The following PGLYRP4 variants were observed in gnomAD, a reference collection of about 807,000 sequenced individuals.
PGLYRP4 encodes PGRP-I-beta.
A neutral mutation model predicts 41.2 loss-of-function variants in PGLYRP4; 39 were observed. The observed-to-expected ratio is 0.95, with a 90% CI of 0.73 to 1.24. The LOEUF (loss-of-function observed/expected upper bound fraction) is 1.24, where lower values mean the gene tolerates loss of function less well. PGLYRP4 is among the 50% of genes most tolerant of loss of function. The pLI, the probability that PGLYRP4 is intolerant of heterozygous loss-of-function variation, is 0.00. For synonymous variants in PGLYRP4, 202 were observed against 186.8 expected, an observed-to-expected ratio of 1.08 and a Z score of -0.66; for missense variants, 467 against 460.7, an observed-to-expected ratio of 1.01 and a Z score of -0.13.
intron 3 of PGLYRP4, 27 bp from the exon 4 acceptor site, chr1:153,345,409 C>T (rs1196657525): frequency 2.6e-5 from 41 of 1,592,126 alleles, no homozygotes; most frequent in Non-Finnish European, 3.3e-5. Context: ...AGCGCACCTG[C>T]CCCATCACTA....
intron 5 of PGLYRP4, among the ~76,000 whole-genome samples, chr1:153,342,323 C>T (rs1660834743): frequency 6.6e-6 from 1 of 152,166 alleles, no homozygotes; most frequent in Non-Finnish European, 1.5e-5. Flanking sequence ...GGAAACCACC[C>T]AGGAGCTGGA....
chr1:153,342,441 A>T (rs889847361), intron 5 of PGLYRP4, among the ~76,000 whole-genome samples: 1 of 152,218 alleles, frequency 6.6e-6, no homozygotes, highest in African/African-American at 2.4e-5. Flanking sequence ...AGGGGTCATG[A>T]AATCTACCTG....
At chr1:153,334,311 G>A (rs1302849346) in intron 8 of PGLYRP4, among the ~76,000 whole-genome samples, 2 of 151,024 alleles carry the variant, frequency 1.3e-5, no homozygotes, top group African/African-American at 4.9e-5. Context: ...GCTACATATA[G>A]ATAGATATAG....
At chr1:153,335,779 G>A (rs960244377) in intron 8 of PGLYRP4, among the ~76,000 whole-genome samples, 1 of 151,964 alleles carries the variant, frequency 6.6e-6, no homozygotes. Flanking sequence ...TGTTGCTGAG[G>A]ATGCAGAGAA....
intron 4 of PGLYRP4, 162 bp downstream of exon 4, chr1:153,345,007 C>T: frequency 1.6e-6 from 1 of 613,706 alleles, no homozygotes; most frequent in Non-Finnish European, 2.8e-6. Context: ...CAGAAAAATC[C>T]AAAGGATTGG....
At chr1:153,347,560 G>C (rs961834780) in intron 2 of PGLYRP4, among the ~76,000 whole-genome samples, 2 of 151,880 alleles carry the variant, frequency 1.3e-5, no homozygotes. Context: ...TTTTAGTAGA[G>C]ACGTGGTTTC....
At chr1:153,334,221 G>T (rs1486715021) in intron 8 of PGLYRP4, among the ~76,000 whole-genome samples, 1 of 150,508 alleles carries the variant, frequency 6.6e-6, no homozygotes, top group East Asian at 1.9e-4. Flanking sequence ...CAAAATCAAT[G>T]TACAAAAATC....
chr1:153,337,253 T>A lies in PGLYRP4; in HGVS notation c.871A>T (p.Asn291Tyr), dbSNP rs1660606041. The A allele has an allele frequency of 6.2e-7, 1 of 1,613,362 alleles. No homozygotes were observed. The highest frequency in any genetic ancestry group is 2.2e-5 in the East Asian group (1 of 44,856). ...DGAIYEGVGW[N>Y]VQGSSTPGYD... ...CCAGGGGTGGAGGAGCCTTGGACAT[T>A]CCAGCCCACCCCTTCATAAATGGCG... Residue 291 changes from asparagine (N) to tyrosine (Y), a missense_variant, in exon 8 of 9, where the codon AAT becomes TAT. Asn to Tyr is a moderately radical substitution (Grantham distance 143). Coordinates refer to ENST00000359650, the MANE Select transcript of PGLYRP4 (RefSeq NM_020393.4).
intron 8 of PGLYRP4, among the ~76,000 whole-genome samples, chr1:153,334,468 T>TATATATATTTTTTTATATA (rs1275488427): frequency 7.0e-6 from 1 of 142,530 alleles, no homozygotes; most frequent in African/African-American, 2.6e-5. Flanking sequence ...ATATATTTAT[T>TATATATATTTTTTTATATA]TATATATATT....
rs140395984 is a variant in PGLYRP4 at position 153,347,924 on chromosome 1, C to T, written c.9G>A (p.Pro3=). Residue 3 remains proline (P), a synonymous_variant, in exon 2 of 9, where the codon CCG becomes CCA. Transcript: ENST00000359650. ML[P]WLLVFSALGI... ...CCAGAGCAGAGAAGACAAGAAGCCA[C>T]GGCAGCATCCCCACGTGGTCCCAGG... 91 of 1,613,500 alleles carry T rather than the reference C, an allele frequency of 5.6e-5. No homozygotes were observed. The highest frequency in any genetic ancestry group is 7.1e-5 in the Non-Finnish European group (84 of 1,179,510).
chr1:153,344,566 T>C (rs746004948), intron 4 of PGLYRP4, among the ~76,000 whole-genome samples: 1 of 152,136 alleles, frequency 6.6e-6, no homozygotes, highest in Non-Finnish European at 1.5e-5. Context: ...CAGGAAGCCA[T>C]CACTGCACTC....
In PGLYRP4 at chr1:153,330,704, G is replaced by A; in HGVS notation, c.*63C>T. 1.4e-6 allele frequency: 2 copies of A among 1,443,004 alleles called. No homozygotes were observed. Among genetic ancestry groups the A allele is most frequent in the Non-Finnish European group, 1.9e-6 (2 of 1,039,674 alleles). 89.4% of individuals were successfully genotyped at this position (1,443,004 alleles called of 1,614,324 possible). A position where few individuals can be genotyped will look rare whatever the true frequency, so the allele number is the denominator to read the frequency against. On this transcript the variant is annotated 3_prime_UTR_variant, in exon 9 of 9. Coordinates refer to ENST00000359650, the MANE Select transcript of PGLYRP4 (RefSeq NM_020393.4). ...CAAAAGGTGTTGAGCCAAGCTGGATGGTTAGGACAGGAGAGACCTGACAGG... is the reference window on the plus strand; with the variant it reads ...CAAAAGGTGTTGAGCCAAGCTGGATAGTTAGGACAGGAGAGACCTGACAGG...
chr1:153,346,200 G>A lies in PGLYRP4; in HGVS notation c.50-9C>T. On this transcript the variant is annotated splice_polypyrimidine_tract_variant and intron_variant, in intron 2 of 8. Coordinates refer to ENST00000359650, the MANE Select transcript of PGLYRP4 (RefSeq NM_020393.4). Reference sequence around the variant, plus strand: ...GTTCCAGGAGGAATCACCTGCAAAGGAATATCCCATTTTGCATCAGAGAGC... The same window carrying A: ...GTTCCAGGAGGAATCACCTGCAAAGAAATATCCCATTTTGCATCAGAGAGC... 6.2e-7 allele frequency: 1 copy of A among 1,606,684 alleles called. No individual in the cohort carries two copies. The highest frequency in any genetic ancestry group is 1.1e-5 in the South Asian group (1 of 90,910).
rs756486974 is a variant in PGLYRP4 at position 153,345,273 on chromosome 1, A to G, written c.249T>C (p.His83=). Reference sequence around the variant, plus strand: ...GGTCGTGACACTCCAGTCCAGGGACATGGTGTATAACAAGGACATTCACTG... The same window carrying G: ...GGTCGTGACACTCCAGTCCAGGGACGTGGTGTATAACAAGGACATTCACTG... ...TTPVNVLVIH[H]VPGLECHDQT... Residue 83 remains histidine (H), a synonymous_variant, in exon 4 of 9, where the codon CAT becomes CAC. Coordinates refer to ENST00000359650, the MANE Select transcript of PGLYRP4 (RefSeq NM_020393.4). 15 of 1,614,036 alleles carry G rather than the reference A, an allele frequency of 9.3e-6. No homozygotes were observed. The highest frequency in any genetic ancestry group is 1.3e-5 in the Non-Finnish European group (15 of 1,179,996).
chr1:153,343,299 G>C, intron 4 of PGLYRP4, 91 bp from the exon 5 acceptor site: 1 of 826,408 alleles, frequency 1.2e-6, no homozygotes, highest in Non-Finnish European at 2.0e-6. Flanking sequence ...AATGGAGAAG[G>C]ACTGAAGCTA....
At chr1:153,340,604 AG>A (rs748029987) in intron 6 of PGLYRP4, 25 bp from the exon 7 acceptor site, 1 of 1,608,550 alleles carries the variant, frequency 6.2e-7, no homozygotes, top group East Asian at 2.2e-5. Context: ...GAAACCACAG[AG>A]GGTTCATCTT....
intron 8 of PGLYRP4, among the ~76,000 whole-genome samples, chr1:153,335,106 AG>A (rs1412746774): frequency 6.6e-6 from 1 of 152,206 alleles, no homozygotes; most frequent in Non-Finnish European, 1.5e-5. Context: ...AAGAAAACCC[AG>A]GGAAAAACTC....
chr1:153,341,661 G>A lies in PGLYRP4; in HGVS notation c.591C>T (p.Cys197=). 2 of 1,613,470 alleles carry A rather than the reference G, an allele frequency of 1.2e-6. No individual in the cohort carries two copies. Among genetic ancestry groups the A allele is most frequent in the Non-Finnish European group, 1.7e-6 (2 of 1,179,978 alleles). The change falls in exon 6 of 9, where the codon TGC becomes TGT. Residue 197 remains cysteine, a synonymous_variant. Transcript: ENST00000359650. ...GGCTTGTCTTCTGCCGAGGGGCCAG[G>A]CAGTTCTCGCCTTTCCCAAGAAGTG... ...VQPLLGKGEN[C]LAPRQKTSLK...
intron 4 of PGLYRP4, 139 bp downstream of exon 4, chr1:153,345,030 G>C (rs115860331): frequency 1.5e-6 from 1 of 655,280 alleles, no homozygotes; most frequent in Non-Finnish European, 2.6e-6. Flanking sequence ...GTTTCATGGG[G>C]GTTTTAAATA....
Sources: allele counts gnomAD v4.1 joint callset (sites outside exome capture counted in the v4.1 genomes callset), GRCh38; gene constraint gnomAD v4.1.1; transcripts MANE v1.5; gene names NCBI Gene and HGNC (gene_info 2026-07-23, HGNC 2026-07-21).